EML4: variants seen among roughly 807,000 people sequenced by gnomAD.
EML4 encodes echinoderm microtubule-associated protein-like 4.
EML4 carries 72 observed loss-of-function variants against 129.0 expected under a neutral mutation model. That is an observed-to-expected ratio of 0.56 (90% confidence interval 0.46 to 0.68). The LOEUF (loss-of-function observed/expected upper bound fraction) is 0.68. EML4 is among the 30% of genes least tolerant of loss of function. EML4 has a pLI of 0.00. For missense variants in EML4, 1,363 were observed against 1,190.6 expected, an observed-to-expected ratio of 1.14 and a Z score of -2.13; for synonymous variants, 532 against 405.0, an observed-to-expected ratio of 1.31 and a Z score of -3.77.
chr2:42,232,428 A>G (rs1253879779), intron 1 of EML4, among the ~76,000 whole-genome samples: 1 of 152,226 alleles, frequency 6.6e-6, no homozygotes, highest in Admixed American at 6.5e-5. Context: ...TGACACCTGA[A>G]TTATAAAACT....
intron 6 of EML4, among the ~76,000 whole-genome samples, chr2:42,278,498 C>T (rs1157480541): frequency 2.1e-5 from 3 of 144,108 alleles, no homozygotes; most frequent in Admixed American, 7.6e-5. Flanking sequence ...CACTTAAACC[C>T]GGGTGGCGGA....
chr2:42,178,575 TTGTA>T (rs1670751814), intron 1 of EML4, among the ~76,000 whole-genome samples: 1 of 152,006 alleles, frequency 6.6e-6, no homozygotes, highest in Non-Finnish European at 1.5e-5. Flanking sequence ...TTTTCCTTGT[TTGTA>T]GTGTGGTGAG....
intron 3 of EML4, among the ~76,000 whole-genome samples, chr2:42,257,818 C>T (rs1397658890): frequency 6.9e-6 from 1 of 144,586 alleles, no homozygotes; most frequent in Non-Finnish European, 1.5e-5. Flanking sequence ...GCCTGGGTGA[C>T]AGAGCCAGAC....
At chr2:42,293,576 A>G (rs1667775244) in intron 11 of EML4, among the ~76,000 whole-genome samples, 1 of 152,148 alleles carries the variant, frequency 6.6e-6, no homozygotes, top group African/African-American at 2.4e-5. Flanking sequence ...AAAATTTATT[A>G]TTTTTAACTC....
rs1007487608 is a variant in EML4, at chr2:42,279,548, C to T, written c.668-1302C>T. Among the ~76,000 whole-genome samples, 7 of 152,150 alleles carry T rather than the reference C, an allele frequency of 4.6e-5. No homozygotes were observed. The East Asian group carries it at 9.7e-4, about 21-fold the overall frequency. On this transcript the variant is annotated intron_variant, in intron 6 of 22. Coordinates refer to ENST00000318522, the MANE Select transcript of EML4 (RefSeq NM_019063.5). Reference sequence around the variant, plus strand: ...TCTTGGCTCACTGCAAGCTCCACCTCCCAGGTTCACGCCATTCTCCTGCCT... The same window carrying T: ...TCTTGGCTCACTGCAAGCTCCACCTTCCAGGTTCACGCCATTCTCCTGCCT...
chr2:42,323,335 C>T (rs1462905004), intron 19 of EML4, among the ~76,000 whole-genome samples: 1 of 152,206 alleles, frequency 6.6e-6, no homozygotes, highest in East Asian at 1.9e-4. Flanking sequence ...GTGCATCTTG[C>T]TGTCTCTGAA....
chr2:42,214,000 T>A (rs561822262), intron 1 of EML4, among the ~76,000 whole-genome samples: 1 of 152,234 alleles, frequency 6.6e-6, no homozygotes, highest in Admixed American at 6.5e-5. Context: ...CTTTGTCTTA[T>A]TGTGTATATC....
At chr2:42,203,573 G>T (rs1440439642) in intron 1 of EML4, among the ~76,000 whole-genome samples, 1 of 151,476 alleles carries the variant, frequency 6.6e-6, no homozygotes, top group Non-Finnish European at 1.5e-5. Flanking sequence ...AAGATGGCTA[G>T]TCTGGAATCA....
chr2:42,270,484 G>A (rs549766428), intron 6 of EML4, among the ~76,000 whole-genome samples: 1 of 152,292 alleles, frequency 6.6e-6, no homozygotes, highest in South Asian at 2.1e-4. Context: ...CTTGAATGCA[G>A]GTGCTTTTGT....
intron 1 of EML4, among the ~76,000 whole-genome samples, chr2:42,175,473 G>T (rs1468626218): frequency 6.6e-6 from 1 of 151,526 alleles, no homozygotes; most frequent in Non-Finnish European, 1.5e-5. Context: ...GTATGGTTGG[G>T]AGTGTTTGTA....
chr2:42,269,333 G>A (rs1235216317), intron 6 of EML4, among the ~76,000 whole-genome samples: 1 of 152,098 alleles, frequency 6.6e-6, no homozygotes, highest in Admixed American at 6.5e-5. Context: ...ATTCTAACAG[G>A]TTACAGTTCT....
Position 42,208,526 on chromosome 2 carries a change from C to CT in EML4, c.26-36978dup, listed in dbSNP as rs765243340. ...CTCGGCTGATTGCAACCTCCGCCCT[C>CT]TGAGTTCAAGCTATTCTCCTGCCTC... On this transcript the variant is annotated intron_variant, in intron 1 of 22. Coordinates refer to ENST00000318522, the MANE Select transcript of EML4 (RefSeq NM_019063.5). 5.3e-5 allele frequency among the ~76,000 whole-genome samples: 8 copies of CT among 151,270 alleles called. No homozygotes were observed. The East Asian group carries it at 7.8e-4, about 15-fold the overall frequency.
At chr2:42,208,590 C>T (rs1264041518) in intron 1 of EML4, among the ~76,000 whole-genome samples, 4 of 151,620 alleles carry the variant, frequency 2.6e-5, no homozygotes, top group Non-Finnish European at 4.4e-5. Context: ...CCTGCCACCG[C>T]ACCCGGCTAA....
chr2:42,294,556 C>T (rs1386730328), intron 11 of EML4, among the ~76,000 whole-genome samples: 1 of 152,070 alleles, frequency 6.6e-6, no homozygotes, highest in Non-Finnish European at 1.5e-5. Context: ...CTTAGCTGGG[C>T]ATGGTGGTGG....
intron 1 of EML4, among the ~76,000 whole-genome samples, chr2:42,189,111 C>G (rs1671433913): frequency 6.6e-6 from 1 of 152,124 alleles, no homozygotes; most frequent in Non-Finnish European, 1.5e-5. Flanking sequence ...AAGCAGTCCT[C>G]CCTACTCGGC....
intron 17 of EML4, among the ~76,000 whole-genome samples, chr2:42,308,833 A>G (rs1242480930): frequency 1.3e-5 from 2 of 152,162 alleles, no homozygotes; most frequent in African/African-American, 4.8e-5. Flanking sequence ...AATGGAATGA[A>G]TCATATAACG....
chr2:42,174,811 GTTTTT>G (rs765461178), intron 1 of EML4, among the ~76,000 whole-genome samples: 2 of 150,280 alleles, frequency 1.3e-5, no homozygotes, highest in African/African-American at 2.4e-5. Flanking sequence ...CTAGAAAGTG[GTTTTT>G]TTTTGTTTGT....
In EML4 at chr2:42,264,704, A is replaced by G; in HGVS notation, c.642-2A>G. 7.1e-7 allele frequency: 1 copy of G among 1,415,616 alleles called. No individual in the cohort carries two copies. The highest frequency in any genetic ancestry group is 9.9e-7 in the Non-Finnish European group (1 of 1,012,748). The allele number at this position is 1,415,616 out of a possible 1,614,324, so 87.7% of individuals were successfully genotyped here. ...AATGTGTTTCTTAAATTTCTTTTCT[A>G]GGCATAAAGATGTCATCATCAACCA... On this transcript the variant is annotated splice_acceptor_variant, in intron 5 of 22. Coordinates refer to ENST00000318522, the MANE Select transcript of EML4 (RefSeq NM_019063.5). LOFTEE classifies it high-confidence loss of function.
At chr2:42,180,949 C>G (rs753130194) in intron 1 of EML4, among the ~76,000 whole-genome samples, 13 of 152,290 alleles carry the variant, frequency 8.5e-5, no homozygotes, top group Middle Eastern at 3.4e-3. Flanking sequence ...TAGACTGTCC[C>G]TAAATTTGAT....
Sources: allele counts gnomAD v4.1 joint callset (sites outside exome capture counted in the v4.1 genomes callset), GRCh38; gene constraint gnomAD v4.1.1; transcripts MANE v1.5; gene names NCBI Gene and HGNC (gene_info 2026-07-23, HGNC 2026-07-21).